The following MTOR variants were observed in gnomAD, a reference collection of about 807,000 sequenced individuals.
MTOR encodes the protein mechanistic target of rapamycin kinase, also known as serine/threonine-protein kinase mTOR.
MTOR carries 70 observed loss-of-function variants against 319.8 expected under a neutral mutation model. The ratio of observed to expected loss-of-function variants is 0.22; its 90% CI spans 0.18 to 0.27. The LOEUF is 0.27. Ranked by LOEUF, MTOR falls within the 10% of genes least tolerant of loss-of-function variation. The pLI is 1.00. For synonymous variants in MTOR, 1,183 were observed against 1,211.4 expected, an observed-to-expected ratio of 0.98 and a Z score of 0.49; for missense variants, 1,890 against 3,274.4, an observed-to-expected ratio of 0.58 and a Z score of 10.32.
At chr1:11,150,062 C>G in intron 31 of MTOR, 64 bp downstream of exon 31, 1 of 1,456,040 alleles carries the variant, frequency 6.9e-7, no homozygotes, top group Non-Finnish European at 9.6e-7. Context: ...CCTTACTCTT[C>G]TGATGCGAGC....
At chr1:11,139,475 C>A (rs770757797) in intron 35 of MTOR, 40 bp from the exon 36 acceptor site, 10 of 1,614,070 alleles carry the variant, frequency 6.2e-6, no homozygotes, top group Non-Finnish European at 8.5e-6. Context: ...CAGAACTGGA[C>A]AGCCCAGGGA....
chr1:11,213,716 T>G, intron 20 of MTOR, 150 bp from the exon 21 acceptor site: 2 of 693,256 alleles, frequency 2.9e-6, no homozygotes, highest in African/African-American at 1.8e-5. Flanking sequence ...CACTGGGCCC[T>G]TCTTGTGTCC....
intron 30 of MTOR, among the ~76,000 whole-genome samples, chr1:11,155,060 G>C (rs1316644728): frequency 6.6e-6 from 1 of 152,180 alleles, no homozygotes; most frequent in African/African-American, 2.4e-5. Flanking sequence ...AGGTAGTACA[G>C]AAAGACTACA....
In MTOR at chr1:11,200,777, G is replaced by A. The variant is rs562611068; in HGVS notation, c.3945-1074C>T. 3.2e-4 allele frequency among the ~76,000 whole-genome samples: 48 copies of A among 152,166 alleles called. No homozygotes were observed. The East Asian group carries it at 4.5e-3, about 14-fold the overall frequency. On this transcript the variant is annotated intron_variant, in intron 26 of 57. Coordinates refer to ENST00000361445, the MANE Select transcript of MTOR (RefSeq NM_004958.4). ...ACGCCTGTAATCCCAGTACTTTGGG[G>A]GGCTGAGGCGGGCGGATCACAAGGT... is the stretch of plus-strand genomic sequence containing the variant.
intron 16 of MTOR, 72 bp from the exon 17 acceptor site, chr1:11,231,506 T>C: frequency 1.3e-6 from 2 of 1,543,324 alleles, no homozygotes; most frequent in Non-Finnish European, 1.8e-6. Flanking sequence ...ACTCTTTGTA[T>C]AATGATTATA....
intron 53 of MTOR, 32 bp from the exon 54 acceptor site, chr1:11,112,949 G>A: frequency 6.3e-7 from 1 of 1,592,348 alleles, no homozygotes; most frequent in Non-Finnish European, 8.6e-7. Context: ...ATTGAAACAT[G>A]CTTCAAATTT....
chr1:11,121,154 A>T lies in MTOR; in HGVS notation c.6933+92T>A, dbSNP rs537820318. ...TCTACAGCCAATCACAGCAAAGAAG[A>T]GCCGCTGTGTGCACATGAACAGATG... On this transcript the variant is annotated intron_variant, in intron 49 of 57. Transcript: ENST00000361445. This position sits in a 1 kb window ranked among gnomAD's most constrained non-coding sequence, Gnocchi z 4.9. The T allele has an allele frequency of 5.2e-6, 8 of 1,529,212 alleles. No individual in the cohort carries two copies. In the East Asian group the frequency reaches 1.4e-4, roughly 26 times the overall value. 94.7% of individuals were successfully genotyped at this position (1,529,212 alleles called of 1,614,324 possible).
chr1:11,132,494 T>C (rs1348505662), intron 38 of MTOR: 4 of 152,284 alleles, frequency 2.6e-5, no homozygotes, highest in African/African-American at 9.7e-5. Context: ...CCACACCAAG[T>C]AGTTACCAGA....
intron 13 of MTOR, among the ~76,000 whole-genome samples, chr1:11,236,904 A>G (rs1222483835): frequency 2.0e-5 from 3 of 152,342 alleles, no homozygotes; most frequent in South Asian, 2.1e-4. Context: ...AGTTAAATAA[A>G]TCATTACGCT....
Position 11,237,923 on chromosome 1 carries a change from G to A in MTOR, c.2128C>T (p.Leu710=), listed in dbSNP as rs770434848. The A allele has an allele frequency of 6.8e-6, 11 of 1,614,166 alleles. No homozygotes were observed. Among genetic ancestry groups the A allele is most frequent in the South Asian group, 1.1e-5 (1 of 91,088 alleles). Residue 710 remains leucine (L), a synonymous_variant, in exon 13 of 58, where the codon CTG becomes TTG. Coordinates refer to ENST00000361445, the MANE Select transcript of MTOR (RefSeq NM_004958.4). ...AGTCGGCCCACAGTGCAGATGGCCA[G>A]CTCCCGGATCTCAAACACCTGGTCA... ...LNDQVFEIRE[L]AICTVGRLSS... is the part of the protein sequence containing the mutation.
chr1:11,114,879 C>A lies in MTOR; in HGVS notation c.7098G>T (p.Met2366Ile). 6.2e-7 allele frequency: 1 copy of A among 1,613,898 alleles called. No homozygotes were observed. Among genetic ancestry groups the A allele is most frequent in the South Asian group, 1.1e-5 (1 of 91,040 alleles). ...TCTTCTCTGGAAACTTCTCTCGGGTCATAGCAACCTACAGAATAATAAATG... is the reference window on the plus strand; with the variant it reads ...TCTTCTCTGGAAACTTCTCTCGGGTAATAGCAACCTACAGAATAATAAATG... ...IDFGDCFEVA[M>I]TREKFPEKIP... Residue 2366 changes from methionine to isoleucine, a missense_variant, in exon 52 of 58, where the codon ATG becomes ATT. By Grantham distance (10) the Met-to-Ile change is conservative. Coordinates refer to ENST00000361445, the MANE Select transcript of MTOR (RefSeq NM_004958.4).
At chr1:11,240,901 C>T (rs1322245287) in intron 10 of MTOR, among the ~76,000 whole-genome samples, 1 of 152,052 alleles carries the variant, frequency 6.6e-6, no homozygotes, top group Non-Finnish European at 1.5e-5. Context: ...TAATAATATA[C>T]ACAATATTTG....
chr1:11,117,775 G>A (rs1642248853), intron 49 of MTOR, among the ~76,000 whole-genome samples: 3 of 152,026 alleles, frequency 2.0e-5, no homozygotes, highest in African/African-American at 7.3e-5. Flanking sequence ...AGAAATCCAA[G>A]GACACGTAGA....
Position 11,230,962 on chromosome 1 carries a change from A to G in MTOR, c.2742T>C (p.Ala914=), listed in dbSNP as rs373194384. 2.4e-5 allele frequency: 38 copies of G among 1,614,016 alleles called. No individual in the cohort carries two copies. Among genetic ancestry groups the G allele is most frequent in the Non-Finnish European group, 3.1e-5 (37 of 1,180,042 alleles). The change falls in exon 18 of 58, where the codon GCT becomes GCC. Residue 914 remains alanine (A), a synonymous_variant. Transcript: ENST00000361445. ...TTGACTTGGATTCTGACAGGCTGACAGCAGAGGCATCCCGGGACTGGTCTA... is the reference window on the plus strand; with the variant it reads ...TTGACTTGGATTCTGACAGGCTGACGGCAGAGGCATCCCGGGACTGGTCTA... ...GMIDQSRDAS[A]VSLSESKSSQ...
chr1:11,238,687 A>G (rs1272343237), intron 11 of MTOR, 70 bp from the exon 12 acceptor site: 1 of 1,391,636 alleles, frequency 7.2e-7, no homozygotes, highest in Non-Finnish European at 9.8e-7. Context: ...GCAGCTTGCT[A>G]GCTGAATTTT....
chr1:11,202,657 A>G (rs1646016091), intron 26 of MTOR, among the ~76,000 whole-genome samples: 2 of 151,932 alleles, frequency 1.3e-5, no homozygotes. Flanking sequence ...TCATGCCTAT[A>G]AATCACGGCA....
chr1:11,118,215 C>T lies in MTOR; in HGVS notation c.6934-1129G>A, dbSNP rs193206343. Among the ~76,000 whole-genome samples, 1,078 of 149,806 alleles carry T rather than the reference C, an allele frequency of 7.2e-3. 19 individuals are homozygous for T. Among genetic ancestry groups the T allele is most frequent in the African/African-American group, 0.025 (1,016 of 40,352 alleles). On this transcript the variant is annotated intron_variant, in intron 49 of 57. Coordinates refer to ENST00000361445, the MANE Select transcript of MTOR (RefSeq NM_004958.4). ...AAAAAATAAAGTTACGCCTTAAATT[C>T]CAAACTTAGTTAATTTTTTTTTTTT...
At chr1:11,108,313 C>T in intron 56 of MTOR, 27 bp from the exon 57 acceptor site, 1 of 1,560,646 alleles carries the variant, frequency 6.4e-7, no homozygotes, top group Non-Finnish European at 8.8e-7. Flanking sequence ...AAAAACATTT[C>T]ACTCTCTTCC....
In MTOR at chr1:11,238,020, C is replaced by T. The variant is rs770381405; in HGVS notation, c.2031G>A (p.Ala677=). 1.7e-5 allele frequency: 28 copies of T among 1,614,092 alleles called. No homozygotes were observed. Among genetic ancestry groups the T allele is most frequent in the Admixed American group, 1.3e-4 (8 of 60,004 alleles). Residue 677 remains alanine, a synonymous_variant, in exon 13 of 58, where the codon GCG becomes GCA. Transcript: ENST00000361445. ...PDPDIRYCVL[A]SLDERFDAHL... ...GTGCATCAAAGCGCTCGTCCAGGGA[C>T]GCCAAGACACAGTAGCGAATGTCAG...
Sources: allele counts gnomAD v4.1 joint callset (sites outside exome capture counted in the v4.1 genomes callset), GRCh38; gene constraint gnomAD v4.1.1; non-coding constraint Gnocchi (gnomAD v3.1); transcripts MANE v1.5; gene names NCBI Gene and HGNC (gene_info 2026-07-23, HGNC 2026-07-21).